Variants in STOX1 observed in about 807,000 individuals in gnomAD.
STOX1 encodes storkhead-box protein 1.
In STOX1, 57 loss-of-function variants were observed where a neutral mutation model predicts 74.8. That is an observed-to-expected ratio of 0.76 (90% CI 0.62 to 0.95). The LOEUF is 0.95. Among genes scored for constraint, STOX1 ranks in the 40% least tolerant of loss-of-function variants. The probability of loss-of-function intolerance (pLI) is 0.00; values close to 1 mark genes in which losing one functional copy is unlikely to be tolerated. For synonymous variants in STOX1, 375 were observed against 401.3 expected (o/e 0.93, Z 0.78); for missense variants, 1,010 against 1,117.0 (o/e 0.90, Z 1.37).
rs566427195 is a variant in STOX1, at chr10:68,843,672, C to T, written c.310+15739C>T. Among the ~76,000 whole-genome samples the T allele has an allele frequency of 5.9e-5, 9 of 152,220 alleles. No individual in the cohort carries two copies. In the South Asian group the frequency reaches 1.9e-3, roughly 32 times the overall value. ...TTCCGGGTTCAAGCGATTTTCCTAC[C>T]TCAGCCTCCAAAGTAGTTGGGATTA... is the stretch of plus-strand genomic sequence containing the variant. On this transcript the variant is annotated intron_variant, in intron 1 of 3. Coordinates refer to ENST00000298596, the MANE Select transcript of STOX1 (RefSeq NM_152709.5).
intron 1 of STOX1, among the ~76,000 whole-genome samples, chr10:68,863,046 G>T (rs957615630): frequency 6.6e-6 from 1 of 152,012 alleles, no homozygotes; most frequent in East Asian, 1.9e-4. Context: ...GGCAACTAGT[G>T]TCCTTTCCCA....
intron 1 of STOX1, among the ~76,000 whole-genome samples, chr10:68,831,604 C>T (rs1162444231): frequency 2.0e-5 from 3 of 152,058 alleles, no homozygotes; most frequent in Non-Finnish European, 4.4e-5. Flanking sequence ...TTTATAAGTC[C>T]AACTGTGCTG....
chr10:68,832,338 C>T (rs1253216669), intron 1 of STOX1, among the ~76,000 whole-genome samples: 1 of 152,230 alleles, frequency 6.6e-6, no homozygotes, highest in East Asian at 1.9e-4. Context: ...TGTCTCCACC[C>T]TGTCACCCCC....
chr10:68,833,088 T>TC (rs1357499213), intron 1 of STOX1, among the ~76,000 whole-genome samples: 1 of 143,962 alleles, frequency 6.9e-6, no homozygotes, highest in Non-Finnish European at 1.5e-5. Flanking sequence ...GGGTTTTTTT[T>TC]TTTTTTTTTT....
intron 1 of STOX1, among the ~76,000 whole-genome samples, chr10:68,870,682 G>A (rs751199119): frequency 5.9e-5 from 9 of 152,198 alleles, no homozygotes; most frequent in Non-Finnish European, 1.2e-4. Context: ...CAATGGAAGT[G>A]CACGTCAGAG....
chr10:68,863,920 G>GTT (rs141718357), intron 1 of STOX1, among the ~76,000 whole-genome samples: 27 of 135,818 alleles, frequency 2.0e-4, no homozygotes, highest in Middle Eastern at 3.7e-3. Flanking sequence ...AGTTCTGCTT[G>GTT]TTTTTTTTTT....
At chr10:68,828,196 C>G in intron 1 of STOX1, 1 of 899,902 alleles carries the variant, frequency 1.1e-6, no homozygotes, top group East Asian at 5.0e-5. Flanking sequence ...CCCCCGCCTG[C>G]CTGCAGGTGC....
chr10:68,828,135 G>T, intron 1 of STOX1: 1 of 455,948 alleles, frequency 2.2e-6, no homozygotes, highest in Non-Finnish European at 2.7e-6. Context: ...GCCGCCTCGC[G>T]GCTGGCCTTC....
intron 1 of STOX1, among the ~76,000 whole-genome samples, chr10:68,868,167 C>A (rs1216306742): frequency 6.6e-6 from 1 of 152,162 alleles, no homozygotes; most frequent in Non-Finnish European, 1.5e-5. Flanking sequence ...TCCAGCGGTG[C>A]TAGAGGAATA....
At chr10:68,855,383 A>G (rs1488506161) in intron 1 of STOX1, among the ~76,000 whole-genome samples, 1 of 151,834 alleles carries the variant, frequency 6.6e-6, no homozygotes, top group Admixed American at 6.6e-5. Flanking sequence ...GGCCTCCCAA[A>G]GTGCTGAGAT....
At chr10:68,855,529 C>T (rs1414312328) in intron 1 of STOX1, among the ~76,000 whole-genome samples, 1 of 151,996 alleles carries the variant, frequency 6.6e-6, no homozygotes, top group Non-Finnish European at 1.5e-5. Context: ...GCCTCGACCT[C>T]CCCAGCTTAA....
chr10:68,886,038 T>C lies in STOX1; in HGVS notation c.2242T>C (p.Leu748=), dbSNP rs1050063811. ...EEDDISENDD[L]RQMLPGHSQY... is the part of the protein sequence containing the mutation. ...GGATGACATTTCTGAGAATGACGACTTACGTCAAATGCTGCCTGGCCACAG... is the reference window on the plus strand; with the variant it reads ...GGATGACATTTCTGAGAATGACGACCTACGTCAAATGCTGCCTGGCCACAG... The change falls in exon 3 of 4, where the codon TTA becomes CTA. Residue 748 remains leucine, a synonymous_variant. Transcript: ENST00000298596. The C allele has an allele frequency of 2.5e-6, 4 of 1,614,080 alleles. No homozygotes were observed. In the African/African-American group the frequency reaches 5.3e-5, roughly 22 times the overall value.
intron 1 of STOX1, among the ~76,000 whole-genome samples, chr10:68,852,788 A>G (rs1295392494): frequency 6.6e-6 from 1 of 150,934 alleles, no homozygotes; most frequent in Non-Finnish European, 1.5e-5. Context: ...GTCACTCAGA[A>G]TCAGAATTCA....
At chr10:68,828,314 G>A in intron 1 of STOX1, 1 of 1,153,198 alleles carries the variant, frequency 8.7e-7, no homozygotes, top group Non-Finnish European at 1.1e-6. Flanking sequence ...CGCCAGCTGT[G>A]AGCGCGGAGC....
intron 1 of STOX1, among the ~76,000 whole-genome samples, chr10:68,874,949 ACCT>A (rs929459322): frequency 2.0e-5 from 3 of 151,936 alleles, no homozygotes; most frequent in Admixed American, 2.0e-4. Context: ...GAGTATTCAC[ACCT>A]CCTGAAATGG....
rs918715302 is a variant in STOX1, at chr10:68,879,472, G to A, written c.311-2486G>A. On this transcript the variant is annotated intron_variant, in intron 1 of 3. Coordinates refer to ENST00000298596, the MANE Select transcript of STOX1 (RefSeq NM_152709.5). ...TTTGTAAGCTAGCCTCTCTACTTAC[G>A]CCCTTGATACACTTTCCCTTTCCCC... is the stretch of plus-strand genomic sequence containing the variant. Among the ~76,000 whole-genome samples, 8 of 151,878 alleles carry A rather than the reference G, an allele frequency of 5.3e-5. No homozygotes were observed. The East Asian group carries it at 1.5e-3, about 29-fold the overall frequency.
intron 1 of STOX1, among the ~76,000 whole-genome samples, chr10:68,831,675 C>T (rs1228115689): frequency 2.6e-5 from 4 of 151,976 alleles, no homozygotes; most frequent in Admixed American, 6.6e-5. Context: ...CTAGCCAAGC[C>T]GACTGGAGTG....
chr10:68,844,793 C>A (rs959239483), intron 1 of STOX1, among the ~76,000 whole-genome samples: 27 of 152,088 alleles, frequency 1.8e-4, no homozygotes, highest in African/African-American at 6.3e-4. Flanking sequence ...GATGGAGTCT[C>A]ACTTTGTCAC....
intron 3 of STOX1, among the ~76,000 whole-genome samples, chr10:68,886,976 T>C (rs2132000891): frequency 6.6e-6 from 1 of 152,236 alleles, no homozygotes; most frequent in East Asian, 1.9e-4. Flanking sequence ...ACAGGAATTA[T>C]GAAAATCAAG....
Sources: gnomAD v4.1 joint callset for allele counts (sites outside exome capture counted in the v4.1 genomes callset) on GRCh38, gnomAD v4.1.1 for gene constraint, MANE v1.5 for transcripts, NCBI Gene and HGNC (gene_info 2026-07-23, HGNC 2026-07-21) for gene names.